SCUBE1: variants seen among roughly 807,000 people sequenced by gnomAD.
SCUBE1 encodes signal peptide, CUB and EGF-like domain-containing protein 1.
SCUBE1 carries 59 observed loss-of-function variants against 124.4 expected under a neutral mutation model. The observed-to-expected ratio is 0.47, with a 90% CI of 0.38 to 0.59. The LOEUF (loss-of-function observed/expected upper bound fraction) is 0.59. Ranked by LOEUF, SCUBE1 falls within the 20% of genes least tolerant of loss-of-function variation. The pLI is 0.00. For synonymous variants in SCUBE1, 545 were observed against 550.9 expected, an observed-to-expected ratio of 0.99 and a Z score of 0.15; for missense variants, 1,150 against 1,371.2, an observed-to-expected ratio of 0.84 and a Z score of 2.55.
intron 20 of SCUBE1, among the ~76,000 whole-genome samples, 156 bp from the exon 21 acceptor site, chr22:43,207,769 G>A (rs35933643): frequency 0.039 from 5,971 of 152,272 alleles, 142 homozygotes; most frequent in South Asian, 0.058. Context: ...TGAACCTGGG[G>A]CTCCCTGCAC....
chr22:43,266,027 G>A (rs1353458377), intron 4 of SCUBE1, among the ~76,000 whole-genome samples: 1 of 152,198 alleles, frequency 6.6e-6, no homozygotes, highest in Non-Finnish European at 1.5e-5. Flanking sequence ...CTTGAACTCA[G>A]GAGGTGGAGG....
intron 5 of SCUBE1, among the ~76,000 whole-genome samples, chr22:43,261,424 C>A (rs191557481): frequency 6.6e-6 from 1 of 152,334 alleles, no homozygotes; most frequent in East Asian, 1.9e-4. Context: ...GAAGGAAGCA[C>A]CTTCACTTTG....
intron 6 of SCUBE1, among the ~76,000 whole-genome samples, chr22:43,240,576 T>A (rs149064387): frequency 9.4e-4 from 143 of 152,282 alleles, no homozygotes; most frequent in Middle Eastern, 3.4e-3. Flanking sequence ...GTCCTGGCTG[T>A]CACTCACGGA....
intron 2 of SCUBE1, among the ~76,000 whole-genome samples, chr22:43,323,239 C>A (rs1023788260): frequency 6.6e-6 from 1 of 152,188 alleles, no homozygotes. Context: ...CACATACACA[C>A]ATACACATGT....
chr22:43,220,083 C>T (rs551089296), intron 14 of SCUBE1, among the ~76,000 whole-genome samples: 3 of 152,236 alleles, frequency 2.0e-5, no homozygotes, highest in Non-Finnish European at 4.4e-5. Flanking sequence ...GCATTAGAAC[C>T]TCCTTCAGGA....
At chr22:43,221,358 G>A (rs1422018245) in intron 12 of SCUBE1, 69 bp from the exon 13 acceptor site, 5 of 844,328 alleles carry the variant, frequency 5.9e-6, no homozygotes, top group East Asian at 2.4e-5. Flanking sequence ...GGGGACGGGG[G>A]CTGCCAGGGG....
rs370202223 is a variant in SCUBE1 at position 43,210,352 on chromosome 22, TCC to T, written c.2384-114_2384-113del. 7 of 871,542 alleles carry T rather than the reference TCC, an allele frequency of 8.0e-6. No homozygotes were observed. The highest frequency in any genetic ancestry group is 5.3e-5 in the African/African-American group (3 of 57,110). The allele number at this position is 871,542 out of a possible 1,614,324, so 54.0% of individuals were successfully genotyped here. On this transcript the variant is annotated intron_variant, in intron 18 of 21. Transcript: ENST00000360835. This position sits in a 1 kb window ranked among gnomAD's most constrained non-coding sequence, Gnocchi z 4.5. The stretch of plus-strand genomic sequence containing the variant: ...AGGGCAGGGCTGGAAGGTGCTCTTG[TCC>T]CCCCCCACACTAGCCCTCGGACCCT...
chr22:43,208,150 G>A lies in SCUBE1; in HGVS notation c.2656C>T (p.Arg886Cys), dbSNP rs1192338900. 3.7e-6 allele frequency: 6 copies of A among 1,614,000 alleles called. No individual in the cohort carries two copies. Among genetic ancestry groups the A allele is most frequent in the African/African-American group, 2.7e-5 (2 of 74,912 alleles). The stretch of plus-strand genomic sequence containing the variant: ...GATTTGAACTGGATCCAGAGCTTGC[G>A]GGAGCGGGAGGTGAAGGCGATGGGC... ...ERPIAFTSRS[R>C]KLWIQFKSNE... Residue 886 changes from arginine (R) to cysteine (C), a missense_variant, in exon 20 of 22, where the codon CGC becomes TGC. Physicochemically the swap from Arg to Cys is radical, Grantham distance 180. This residue lies in a region of SCUBE1 where 757 missense variants were observed against 840.9 expected (regional missense o/e 0.90). Transcript: ENST00000360835.
rs1024593960 is a variant in SCUBE1 at position 43,200,753 on chromosome 22, T to C, written c.*3244A>G. 1.3e-5 allele frequency: 2 copies of C among 152,216 alleles called. No homozygotes were observed. 9.4% of individuals were successfully genotyped at this position (152,216 alleles called of 1,614,324 possible). On this transcript the variant is annotated 3_prime_UTR_variant, in exon 22 of 22. Transcript: ENST00000360835. ...CTCGCGCTCCTCATGGCCTCTCCCG[T>C]GGGCTGGGAGCTATAGAAGGGCTTG...
At position 43,212,446 on chromosome 22, in the gene SCUBE1, A is replaced by T; in HGVS notation, c.2200T>A (p.Phe734Ile). The T allele has an allele frequency of 6.4e-7, 1 of 1,552,090 alleles. No homozygotes were observed. Residue 734 changes from phenylalanine to isoleucine, a missense_variant, in exon 17 of 22, where the codon TTC becomes ATC. Transcript: ENST00000360835. ...TCACCTTTAGCCTCGCAGTCCTGGAAGGAGGTGGTGCCTTCGTGTTTGGTG... is the reference window on the plus strand; with the variant it reads ...TCACCTTTAGCCTCGCAGTCCTGGATGGAGGTGGTGCCTTCGTGTTTGGTG... The part of the protein sequence containing the change: ...LLTKHEGTTS[F>I]QDCEAKVHCS...
Position 43,210,870 on chromosome 22 carries a change from G to A in SCUBE1, c.2383+52C>T, listed in dbSNP as rs1307250873. 1.0e-5 allele frequency: 16 copies of A among 1,599,092 alleles called. No homozygotes were observed. The highest frequency in any genetic ancestry group is 2.2e-5 in the South Asian group (2 of 90,508). ...AGGTCTCCTCCCGCCCCCACAACCT[G>A]CCCAGCCCCTCCCGTGTTCCCAGCT... On this transcript the variant is annotated intron_variant, in intron 18 of 21. Coordinates refer to ENST00000360835, the MANE Select transcript of SCUBE1 (RefSeq NM_173050.5). This position sits in a 1 kb window ranked among gnomAD's most constrained non-coding sequence, Gnocchi z 4.5.
At chr22:43,231,402 T>C (rs966836089) in intron 8 of SCUBE1, among the ~76,000 whole-genome samples, 15 of 152,208 alleles carry the variant, frequency 9.9e-5, no homozygotes, top group Non-Finnish European at 1.9e-4. Context: ...GCCTGCAATG[T>C]GCAACGCTTT....
At chr22:43,251,614 G>A (rs1923451327) in intron 6 of SCUBE1, among the ~76,000 whole-genome samples, 1 of 152,132 alleles carries the variant, frequency 6.6e-6, no homozygotes, top group Admixed American at 6.5e-5. Flanking sequence ...GGTGGAGAAG[G>A]GACCGCGGGA....
At chr22:43,254,528 G>T (rs1010621550) in intron 6 of SCUBE1, among the ~76,000 whole-genome samples, 2 of 152,208 alleles carry the variant, frequency 1.3e-5, no homozygotes, top group African/African-American at 4.8e-5. Flanking sequence ...CAGCCCACAC[G>T]GTCAGGACTT....
At chr22:43,217,061 T>TC (rs1161997508) in intron 15 of SCUBE1, among the ~76,000 whole-genome samples, 1 of 43,764 alleles carries the variant, frequency 2.3e-5, no homozygotes, top group African/African-American at 1.6e-4. Flanking sequence ...ACCAACAGCT[T>TC]CCCCACCCTG....
intron 4 of SCUBE1, among the ~76,000 whole-genome samples, chr22:43,263,212 G>C (rs376029829): frequency 6.6e-6 from 1 of 152,140 alleles, no homozygotes; most frequent in East Asian, 1.9e-4. Context: ...CCTCTCCCGA[G>C]CCACCCATGG....
chr22:43,297,005 A>G (rs1925586822), intron 3 of SCUBE1, among the ~76,000 whole-genome samples: 1 of 152,240 alleles, frequency 6.6e-6, no homozygotes, highest in Non-Finnish European at 1.5e-5. Flanking sequence ...GGAGAAGGGA[A>G]GGACAGGAGT....
At chr22:43,236,230 C>A (rs1016001746) in intron 7 of SCUBE1, among the ~76,000 whole-genome samples, 2 of 152,152 alleles carry the variant, frequency 1.3e-5, no homozygotes, top group Non-Finnish European at 2.9e-5. Flanking sequence ...GCCTCTCCAG[C>A]CAGGGCTGGG....
At chr22:43,204,176 G>A in intron 21 of SCUBE1, 27 bp from the exon 22 acceptor site, 3 of 1,611,264 alleles carry the variant, frequency 1.9e-6, no homozygotes. Context: ...GTGGGAGGCA[G>A]GGGAGGCTTG....
Sources: gnomAD v4.1 joint callset for allele counts (sites outside exome capture counted in the v4.1 genomes callset) on GRCh38, gnomAD v4.1.1 for gene constraint, gnomAD v4.1.1 regional missense constraint, Gnocchi (gnomAD v3.1) non-coding constraint, MANE v1.5 for transcripts, NCBI Gene and HGNC (gene_info 2026-07-23, HGNC 2026-07-21) for gene names.